Variants in PDE5A observed in about 807,000 individuals in gnomAD.
PDE5A encodes cGMP-specific 3',5'-cyclic phosphodiesterase.
A neutral mutation model predicts 110.2 loss-of-function variants in PDE5A; 67 were observed. That is an observed-to-expected ratio of 0.61 (90% CI 0.50 to 0.75). PDE5A has a LOEUF of 0.75. Among genes scored for constraint, PDE5A ranks in the 30% least tolerant of loss-of-function variants. The probability of loss-of-function intolerance (pLI) is 0.00; values close to 1 mark genes in which losing one functional copy is unlikely to be tolerated. For synonymous variants in PDE5A, 328 were observed against 351.2 expected (o/e 0.93, Z 0.74); for missense variants, 862 against 1,045.1 (o/e 0.82, Z 2.42).
At chr4:119,605,422 G>T (rs566537873) in intron 2 of PDE5A, among the ~76,000 whole-genome samples, 1 of 152,188 alleles carries the variant, frequency 6.6e-6, no homozygotes, top group South Asian at 2.1e-4. Flanking sequence ...TGAGACAGGA[G>T]GATCATCTGA....
At chr4:119,500,237 A>AGAC (rs1387911973) in intron 20 of PDE5A, 1 of 151,468 alleles carries the variant, frequency 6.6e-6, no homozygotes, top group African/African-American at 2.4e-5. Flanking sequence ...AAAAATAGGG[A>AGAC]GACGACAGTG....
intron 1 of PDE5A, among the ~76,000 whole-genome samples, chr4:119,619,510 A>T (rs758031371): frequency 6.6e-6 from 1 of 152,206 alleles, no homozygotes; most frequent in African/African-American, 2.4e-5. Context: ...CTCCCATTCC[A>T]GTTCCCTTTC....
At chr4:119,613,129 C>G (rs1235193342) in intron 1 of PDE5A, among the ~76,000 whole-genome samples, 2 of 152,130 alleles carry the variant, frequency 1.3e-5, no homozygotes, top group Admixed American at 1.3e-4. Flanking sequence ...GACCCTGCTG[C>G]AAAAGCCAAA....
chr4:119,560,151 G>A (rs960255721), intron 7 of PDE5A, 145 bp downstream of exon 7: 7 of 502,978 alleles, frequency 1.4e-5, no homozygotes, highest in Admixed American at 8.3e-5. Flanking sequence ...GATGGAGGAC[G>A]ACTTAGGACC....
intron 1 of PDE5A, among the ~76,000 whole-genome samples, chr4:119,622,656 G>A (rs1050476356): frequency 7.2e-5 from 11 of 151,890 alleles, no homozygotes; most frequent in Non-Finnish European, 1.5e-5. Context: ...GGTGGACCAC[G>A]AGGTCAGGAG....
intron 12 of PDE5A, among the ~76,000 whole-genome samples, chr4:119,522,485 GA>G (rs967160471): frequency 1.3e-5 from 2 of 151,218 alleles, no homozygotes; most frequent in African/African-American, 2.4e-5. Context: ...AAAGCAGCAA[GA>G]AAAAAAACAG....
intron 1 of PDE5A, among the ~76,000 whole-genome samples, chr4:119,617,027 G>C (rs970949998): frequency 6.6e-6 from 1 of 151,564 alleles, no homozygotes; most frequent in East Asian, 1.9e-4. Flanking sequence ...TTGCATATTG[G>C]GTACACTTCA....
intron 3 of PDE5A, among the ~76,000 whole-genome samples, chr4:119,579,921 G>A (rs894675417): frequency 3.3e-5 from 5 of 152,190 alleles, no homozygotes; most frequent in African/African-American, 9.6e-5. Flanking sequence ...AATTGCTGAA[G>A]GTATGTGAAA....
intron 14 of PDE5A, among the ~76,000 whole-genome samples, chr4:119,514,885 A>T (rs553140641): frequency 6.6e-6 from 1 of 152,328 alleles, no homozygotes; most frequent in African/African-American, 2.4e-5. Flanking sequence ...TTATACAAAG[A>T]AGGAAACAGG....
At chr4:119,609,039 G>A (rs925505696) in intron 1 of PDE5A, among the ~76,000 whole-genome samples, 1 of 152,080 alleles carries the variant, frequency 6.6e-6, no homozygotes, top group Non-Finnish European at 1.5e-5. Context: ...GCGGGCGCCT[G>A]TAGTCCCAGC....
Position 119,505,289 on chromosome 4 carries a change from C to T in PDE5A, c.2267+566G>A, listed in dbSNP as rs148346253. Among the ~76,000 whole-genome samples, 769 of 151,962 alleles carry T rather than the reference C, an allele frequency of 5.1e-3. 8 individuals are homozygous for T. The highest frequency in any genetic ancestry group is 0.017 in the African/African-American group (714 of 41,522). On this transcript the variant is annotated intron_variant, in intron 17 of 20. Coordinates refer to ENST00000354960, the MANE Select transcript of PDE5A (RefSeq NM_001083.4). ...ATTTTGTCTTTTTCCATTTGGTTAT[C>T]CACTTATCTCTCTCTTTCCTCCAGT...
At chr4:119,551,230 CAG>C (rs1727344123) in intron 9 of PDE5A, among the ~76,000 whole-genome samples, 1 of 152,150 alleles carries the variant, frequency 6.6e-6, no homozygotes, top group South Asian at 2.1e-4. Context: ...GTCCCAGAAA[CAG>C]AAGTATAAGC....
chr4:119,554,114 CATT>C (rs1727457142), intron 7 of PDE5A, among the ~76,000 whole-genome samples: 1 of 152,076 alleles, frequency 6.6e-6, no homozygotes, highest in Admixed American at 6.6e-5. Context: ...TTCACTTCCT[CATT>C]ATTTGGTTTC....
chr4:119,595,804 CCCTCATATAT>C (rs1373450197), intron 3 of PDE5A, among the ~76,000 whole-genome samples: 17 of 152,060 alleles, frequency 1.1e-4, no homozygotes, highest in Non-Finnish European at 1.5e-4. Context: ...TAAATAAATC[CCCTCATATAT>C]CCTCATATAT....
chr4:119,508,828 G>A (rs1392196563), intron 15 of PDE5A, among the ~76,000 whole-genome samples: 1 of 151,780 alleles, frequency 6.6e-6, no homozygotes, highest in Non-Finnish European at 1.5e-5. Context: ...AATTTCTTGT[G>A]TAATTATGCT....
At chr4:119,583,749 T>C (rs1484152370) in intron 3 of PDE5A, among the ~76,000 whole-genome samples, 1 of 152,044 alleles carries the variant, frequency 6.6e-6, no homozygotes, top group South Asian at 2.1e-4. Context: ...ATGAAGAAGG[T>C]GAAAGCTTTG....
intron 14 of PDE5A, among the ~76,000 whole-genome samples, chr4:119,511,596 GGACT>G (rs1284039703): frequency 1.3e-5 from 2 of 152,040 alleles, no homozygotes; most frequent in Non-Finnish European, 2.9e-5. Flanking sequence ...AATAAGAAAA[GGACT>G]GACTGAGATG....
rs1729156321 is a variant in PDE5A, at chr4:119,596,525, C to T, written c.829G>A (p.Glu277Lys). Residue 277 changes from glutamate (E) to lysine (K), a missense_variant and splice_region_variant, in exon 3 of 21, where the codon GAG becomes AAG. Physicochemically the swap from Glu to Lys is moderately conservative, Grantham distance 56. Coordinates refer to ENST00000354960, the MANE Select transcript of PDE5A (RefSeq NM_001083.4). ...TATAAAATGGAAAATTGGCTTACCTCTTCCCTATGATTCTTAATTGGCATA... is the reference window on the plus strand; with the variant it reads ...TATAAAATGGAAAATTGGCTTACCTTTTCCCTATGATTCTTAATTGGCATA... ...LCMPIKNHRE[E>K]VVGVAQAINK... is the part of the protein sequence containing the mutation. 1 of 1,567,412 alleles carries T rather than the reference C, an allele frequency of 6.4e-7. No individual in the cohort carries two copies. Among genetic ancestry groups the T allele is most frequent in the East Asian group, 2.3e-5 (1 of 43,796 alleles).
At chr4:119,585,341 T>G (rs1042068354) in intron 3 of PDE5A, among the ~76,000 whole-genome samples, 1 of 152,152 alleles carries the variant, frequency 6.6e-6, no homozygotes, top group Non-Finnish European at 1.5e-5. Flanking sequence ...GGCAAACATC[T>G]TCTCTTTTTT....
Sources: allele counts gnomAD v4.1 joint callset (sites outside exome capture counted in the v4.1 genomes callset), GRCh38; gene constraint gnomAD v4.1.1; transcripts MANE v1.5; gene names NCBI Gene and HGNC (gene_info 2026-07-23, HGNC 2026-07-21).